Variants in NISCH observed in about 807,000 individuals in gnomAD.
NISCH encodes the protein I-1 receptor candidate protein.
A neutral mutation model predicts 138.4 loss-of-function variants in NISCH; 55 were observed. The ratio of observed to expected loss-of-function variants is 0.40; its 90% confidence interval spans 0.32 to 0.50. NISCH has a LOEUF of 0.50. Among genes scored for constraint, NISCH ranks in the 20% least tolerant of loss-of-function variants. The pLI, the probability that NISCH is intolerant of heterozygous loss-of-function variation, is 0.71. For synonymous variants in NISCH, 860 were observed against 861.5 expected, an observed-to-expected ratio of 1.00 and a Z score of 0.03; for missense variants, 1,643 against 2,005.5, an observed-to-expected ratio of 0.82 and a Z score of 3.45.
chr3:52,484,322 T>G, intron 13 of NISCH, 191 bp from the exon 14 acceptor site: 1 of 561,226 alleles, frequency 1.8e-6, no homozygotes, highest in East Asian at 2.9e-5. Flanking sequence ...TAAGCAGTCA[T>G]TTGTTCTTTC....
chr3:52,492,844 CTGT>C lies in NISCH; in HGVS notation c.*365_*367del. 1 of 257,832 alleles carries C rather than the reference CTGT, an allele frequency of 3.9e-6. No homozygotes were observed. The highest frequency in any genetic ancestry group is 6.4e-5 in the South Asian group (1 of 15,532). The allele number at this position is 257,832 out of a possible 1,614,324, so 16.0% of individuals were successfully genotyped here. On this transcript the variant is annotated 3_prime_UTR_variant, in exon 21 of 21. Coordinates refer to ENST00000345716, the MANE Select transcript of NISCH (RefSeq NM_007184.4). ...CAGTCCTTTGTTGCTGTTGCTGTTG[CTGT>C]TGCTGTTGCTGTTGCTGTTGGCATC...
At chr3:52,481,674 AGC>A in intron 13 of NISCH, 1 of 985,530 alleles carries the variant, frequency 1.0e-6, no homozygotes, top group South Asian at 4.7e-5. Flanking sequence ...GTAGAGCAGG[AGC>A]CAGTGAAGAG....
chr3:52,488,235 C>T lies in NISCH; in HGVS notation c.2743C>T (p.Gln915Ter), dbSNP rs1354526535. The change falls in exon 16 of 21, where the codon CAG becomes TAG. Residue 915 changes from glutamine (Q) to a stop codon, truncating the protein, a stop_gained. Coordinates refer to ENST00000345716, the MANE Select transcript of NISCH (RefSeq NM_007184.4). LOFTEE classifies it high-confidence loss of function. ...CCCCTACTGGCTGTTGCTCACGCCC[C>T]AGCACCTCAACGTCATCAAGGCCGA... ...AIPYWLLLTPQHLNVIKADFN... is the reference protein window; with the variant it reads ...AIPYWLLLTP The T allele has an allele frequency of 6.2e-7, 1 of 1,611,842 alleles. No individual in the cohort carries two copies. Among genetic ancestry groups the T allele is most frequent in the Non-Finnish European group, 8.5e-7 (1 of 1,179,986 alleles).
chr3:52,464,076 A>G (rs1186423727), intron 3 of NISCH, among the ~76,000 whole-genome samples: 1 of 151,728 alleles, frequency 6.6e-6, no homozygotes, highest in Non-Finnish European at 1.5e-5. Context: ...TTCTTTGGAG[A>G]AAAGTATCCA....
At position 52,492,035 on chromosome 3, in the gene NISCH, G is replaced by A. The variant is rs1163460802; in HGVS notation, c.4068G>A (p.Val1356=). The A allele has an allele frequency of 6.2e-7, 1 of 1,613,172 alleles. No homozygotes were observed. Among genetic ancestry groups the A allele is most frequent in the Non-Finnish European group, 8.5e-7 (1 of 1,179,962 alleles). The stretch of plus-strand genomic sequence containing the variant: ...TGCTGTACGTGCAGGCCTTCCAGGT[G>A]GGCATGCCACCCCCTGGGTGCTGCA... The part of the protein sequence containing the change: ...SILLYVQAFQ[V]GMPPPGCCRG... Residue 1356 remains valine (V), a synonymous_variant, in exon 21 of 21, where the codon GTG becomes GTA. Coordinates refer to ENST00000345716, the MANE Select transcript of NISCH (RefSeq NM_007184.4).
chr3:52,466,288 G>A (rs964579896), intron 3 of NISCH, among the ~76,000 whole-genome samples: 5 of 152,094 alleles, frequency 3.3e-5, no homozygotes, highest in South Asian at 2.1e-4. Flanking sequence ...GAGGAGGGCC[G>A]GGCATGGTGA....
In NISCH at chr3:52,478,450, TGGA is replaced by T; in HGVS notation, c.1181_1183del (p.Glu394del). On this transcript the variant is annotated inframe_deletion and splice_region_variant, in exon 11 of 21. Transcript: ENST00000345716. ...GGGGATGGAACTCATACCTTGCAGA[TGGA>T]GGAGGTCCGGAGCATAGGCAGCCTC... 6.2e-7 allele frequency: 1 copy of T among 1,614,218 alleles called. No individual in the cohort carries two copies. The highest frequency in any genetic ancestry group is 8.5e-7 in the Non-Finnish European group (1 of 1,180,036).
intron 1 of NISCH, among the ~76,000 whole-genome samples, chr3:52,457,003 C>T (rs1180273671): frequency 1.3e-5 from 2 of 152,246 alleles, no homozygotes; most frequent in Non-Finnish European, 2.9e-5. Context: ...CTACCATCCT[C>T]TGTCTCCGGG....
chr3:52,488,992 C>T (rs563211500), intron 16 of NISCH, among the ~76,000 whole-genome samples: 26 of 152,216 alleles, frequency 1.7e-4, no homozygotes, highest in Non-Finnish European at 3.2e-4. Flanking sequence ...AGCATGGCCT[C>T]TGGGCACTAC....
intron 3 of NISCH, 54 bp downstream of exon 3, chr3:52,458,898 T>G (rs890161535): frequency 6.6e-7 from 1 of 1,505,598 alleles, no homozygotes; most frequent in African/African-American, 1.4e-5. Flanking sequence ...ACTGCCAAAC[T>G]TGAGGCAGCA....
intron 13 of NISCH, chr3:52,481,324 C>T (rs1206534283): frequency 9.9e-7 from 1 of 1,005,796 alleles, no homozygotes; most frequent in African/African-American, 1.7e-5. Context: ...GCAAAAGGCC[C>T]AACGCAGAGC....
At chr3:52,474,448 C>G (rs1308497481) in intron 7 of NISCH, among the ~76,000 whole-genome samples, 1 of 152,130 alleles carries the variant, frequency 6.6e-6, no homozygotes, top group Admixed American at 6.6e-5. Context: ...AGGTGCCCGC[C>G]ACCACACCCA....
rs753953815 is a variant in NISCH, at chr3:52,491,503, C to G, written c.3894C>G (p.Asn1298Lys). Residue 1298 changes from asparagine to lysine, a missense_variant, in exon 20 of 21, where the codon AAC (asparagine) becomes AAG (lysine). Coordinates refer to ENST00000345716, the MANE Select transcript of NISCH (RefSeq NM_007184.4). The stretch of plus-strand genomic sequence containing the variant: ...AGGACTTCTACTCCGAGTTTGGGAA[C>G]AAGACCACAGGTACCCCTGTCTAGC... Reference protein sequence around the residue: ...VDKDFYSEFGNKTTGKMENYE... With the variant: ...VDKDFYSEFGKKTTGKMENYE... 2.5e-6 allele frequency: 4 copies of G among 1,611,566 alleles called. No individual in the cohort carries two copies. The highest frequency in any genetic ancestry group is 3.4e-6 in the Non-Finnish European group (4 of 1,179,124).
At chr3:52,476,634 T>C in intron 8 of NISCH, 35 bp downstream of exon 8, 1 of 1,610,414 alleles carries the variant, frequency 6.2e-7, no homozygotes, top group Non-Finnish European at 8.5e-7. Flanking sequence ...GGGGTTTCTC[T>C]GGCCCCACCA....
chr3:52,487,624 TGTG>T lies in NISCH; in HGVS notation c.2136_2138del (p.Trp712del). 1 of 1,613,884 alleles carries T rather than the reference TGTG, an allele frequency of 6.2e-7. No individual in the cohort carries two copies. The highest frequency in any genetic ancestry group is 8.5e-7 in the Non-Finnish European group (1 of 1,179,994). ...GAGCACATCCGCATCCTCAAGGTGCTGTGGTGCTTCCTGATCCATGTGCAGGGC... is the reference window on the plus strand; with the variant it reads ...GAGCACATCCGCATCCTCAAGGTGCTGTGCTTCCTGATCCATGTGCAGGGC... On this transcript the variant is annotated inframe_deletion, in exon 16 of 21. Transcript: ENST00000345716. This position sits in a 1 kb window ranked among gnomAD's most constrained non-coding sequence, Gnocchi z 9.1.
rs377264711 is a variant in NISCH, at chr3:52,487,800, G to A, written c.2308G>A (p.Glu770Lys). ...TTGCTTCCCGCATGGCGACCTCACCGAGTTTGGCTTCCTCATGCCGGAGCT... is the reference window on the plus strand; with the variant it reads ...TTGCTTCCCGCATGGCGACCTCACCAAGTTTGGCTTCCTCATGCCGGAGCT... ...VFCFPHGDLT[E>K]FGFLMPELCL... Residue 770 changes from glutamate (E) to lysine (K), a missense_variant, in exon 16 of 21, where the codon GAG (glutamate) becomes AAG (lysine). By Grantham distance (56) the Glu-to-Lys change is moderately conservative. Transcript: ENST00000345716. The surrounding 1 kb of genome is among the most constrained non-coding windows in gnomAD (Gnocchi z 9.1). 4 of 1,613,380 alleles carry A rather than the reference G, an allele frequency of 2.5e-6. No homozygotes were observed. The highest frequency in any genetic ancestry group is 2.2e-5 in the East Asian group (1 of 44,884).
At chr3:52,458,965 T>C (rs1000413812) in intron 3 of NISCH, 121 bp downstream of exon 3, 10 of 743,266 alleles carry the variant, frequency 1.3e-5, no homozygotes, top group Non-Finnish European at 1.3e-5. Flanking sequence ...GGTTAGAAGA[T>C]GGAGGAACGT....
chr3:52,471,372 G>A, intron 4 of NISCH: 2 of 278,230 alleles, frequency 7.2e-6, no homozygotes, highest in South Asian at 5.2e-5. Flanking sequence ...AGTGGAGCGA[G>A]GACCAAGCAG....
chr3:52,460,614 G>A (rs1706606932), intron 3 of NISCH, among the ~76,000 whole-genome samples: 1 of 152,014 alleles, frequency 6.6e-6, no homozygotes, highest in African/African-American at 2.4e-5. Flanking sequence ...GTATTGCTCA[G>A]GTTGGCCTCA....
Sources: gnomAD v4.1 joint callset for allele counts (sites outside exome capture counted in the v4.1 genomes callset) on GRCh38, gnomAD v4.1.1 for gene constraint, Gnocchi (gnomAD v3.1) non-coding constraint, MANE v1.5 for transcripts, NCBI Gene and HGNC (gene_info 2026-07-23, HGNC 2026-07-21) for gene names.